MACF1: variants seen among roughly 807,000 people sequenced by gnomAD.
MACF1 encodes the protein microtubule-actin cross-linking factor 1.
MACF1 carries 193 observed loss-of-function variants against 854.8 expected under a neutral mutation model. The ratio of observed to expected loss-of-function variants is 0.23; its 90% CI spans 0.20 to 0.25. MACF1 has a LOEUF of 0.25. MACF1 is among the 10% of genes least tolerant of loss of function. The pLI is 1.00. For synonymous variants in MACF1, 3,185 were observed against 3,226.7 expected, an observed-to-expected ratio of 0.99 and a Z score of 0.44; for missense variants, 7,722 against 8,929.1, an observed-to-expected ratio of 0.86 and a Z score of 5.45.
chr1:39,364,618 G>A (rs1400954352), intron 49 of MACF1, among the ~76,000 whole-genome samples: 2 of 151,712 alleles, frequency 1.3e-5, no homozygotes, highest in Admixed American at 6.6e-5. Context: ...TCAGCCTCCT[G>A]AGCAGCTGGG....
intron 6 of MACF1, among the ~76,000 whole-genome samples, chr1:39,270,871 C>T (rs771753328): frequency 2.0e-5 from 3 of 152,162 alleles, no homozygotes; most frequent in Non-Finnish European, 2.9e-5. Context: ...GCAATCTGTG[C>T]CTAGAATTTC....
chr1:39,452,419 A>G, intron 86 of MACF1, 69 bp downstream of exon 86: 2 of 1,456,228 alleles, frequency 1.4e-6, no homozygotes, highest in Non-Finnish European at 1.9e-6. Flanking sequence ...TTCTTTTACT[A>G]GAATCTGTTC....
At chr1:39,467,548 C>G (rs1644696114) in intron 95 of MACF1, among the ~76,000 whole-genome samples, 1 of 152,004 alleles carries the variant, frequency 6.6e-6, no homozygotes, top group Non-Finnish European at 1.5e-5. Context: ...ATGAGAAACT[C>G]CAGATGTTTA....
rs1353242364 is a variant in MACF1, at chr1:39,084,857, T to C, written c.220+419T>C. Among the ~76,000 whole-genome samples the C allele has an allele frequency of 6.6e-6, 1 of 152,322 alleles. No individual in the cohort carries two copies. The highest frequency in any genetic ancestry group is 1.9e-4 in the East Asian group (1 of 5,188). ...TATTTCATGACTTTCTAAATCCTACTCTTTTTTCACTTTTTGGCTATATTA... is the reference window on the plus strand; with the variant it reads ...TATTTCATGACTTTCTAAATCCTACCCTTTTTTCACTTTTTGGCTATATTA... On this transcript the variant is annotated intron_variant, in intron 2 of 93. Coordinates refer to the MACF1 transcript ENST00000361689. This position sits in a 1 kb window ranked among gnomAD's most constrained non-coding sequence, Gnocchi z 5.2.
chr1:39,168,420 G>A (rs988729579), intron 2 of MACF1, among the ~76,000 whole-genome samples: 5 of 152,294 alleles, frequency 3.3e-5, no homozygotes, highest in Admixed American at 1.3e-4. Flanking sequence ...TTTCTAAGGG[G>A]TAAGGCAGTG....
At position 39,358,782 on chromosome 1, in the gene MACF1, T is replaced by C; in HGVS notation, c.12029T>C (p.Met4010Thr). The C allele has an allele frequency of 6.2e-7, 1 of 1,614,098 alleles. No individual in the cohort carries two copies. The highest frequency in any genetic ancestry group is 8.5e-7 in the Non-Finnish European group (1 of 1,180,014). Reference protein sequence around the residue: ...QNSADSLQAWMQACEANVEKL... With the variant: ...QNSADSLQAWTQACEANVEKL... ...AGTGCTGACAGCCTGCAGGCCTGGA[T>C]GCAGGCTTGTGAGGCCAACGTGGAG... is the stretch of plus-strand genomic sequence containing the variant. The change falls in exon 46 of 101, where the codon ATG (methionine) becomes ACG (threonine). Residue 4010 changes from methionine to threonine, a missense_variant. Transcript: ENST00000564288.
At chr1:39,306,610 CTT>C (rs35360749) in intron 23 of MACF1, among the ~76,000 whole-genome samples, 107 of 124,452 alleles carry the variant, frequency 8.6e-4, no homozygotes, top group East Asian at 1.8e-3. Flanking sequence ...ACCATTCTAT[CTT>C]TTTTTTTTTT....
chr1:39,337,878 T>C (rs1341957311), intron 38 of MACF1, among the ~76,000 whole-genome samples: 4 of 149,978 alleles, frequency 2.7e-5, no homozygotes, highest in Non-Finnish European at 5.9e-5. Context: ...TCCGCCATTC[T>C]CCTGCCTCAG....
In MACF1 at chr1:39,378,422, T is replaced by C. The variant is rs145491673; in HGVS notation, c.13214-39T>C. The C allele has an allele frequency of 5.0e-4, 758 of 1,512,150 alleles. 3 individuals are homozygous for C. The South Asian group carries it at 5.2e-3, about 10-fold the overall frequency. 93.7% of individuals were successfully genotyped at this position (1,512,150 alleles called of 1,614,324 possible). A position where few individuals can be genotyped will look rare whatever the true frequency, so the allele number is the denominator to read the frequency against. On this transcript the variant is annotated intron_variant, in intron 52 of 100. Transcript: ENST00000564288. ...AGTGCCTATATGTATTCCTAACACG[T>C]TGGTCTTGCCCTGTTTGTCTCCCTG...
chr1:39,135,262 A>C (rs1383024541), intron 2 of MACF1, among the ~76,000 whole-genome samples: 1 of 152,046 alleles, frequency 6.6e-6, no homozygotes, highest in Admixed American at 6.6e-5. Context: ...TAATTAATTT[A>C]TTTAGACAGC....
chr1:39,448,085 A>G lies in MACF1; in HGVS notation c.20021A>G (p.His6674Arg). The G allele has an allele frequency of 1.9e-6, 3 of 1,614,114 alleles. No individual in the cohort carries two copies. Among genetic ancestry groups the G allele is most frequent in the Non-Finnish European group, 1.7e-6 (2 of 1,179,938 alleles). The change falls in exon 83 of 101, where the codon CAC (histidine) becomes CGC (arginine). Residue 6674 changes from histidine (H) to arginine (R), a missense_variant. Physicochemically the swap from His to Arg is conservative, Grantham distance 29. Transcript: ENST00000564288. Reference protein sequence around the residue: ...LIDWLEDAESHLDSELEISND... With the variant: ...LIDWLEDAESRLDSELEISND... ...GACTGGCTAGAAGATGCAGAGAGTCACCTGGACTCAGAACTAGAGATATCC... is the reference window on the plus strand; with the variant it reads ...GACTGGCTAGAAGATGCAGAGAGTCGCCTGGACTCAGAACTAGAGATATCC...
In MACF1 at chr1:39,300,288, A is replaced by C; in HGVS notation, c.2560A>C (p.Lys854Gln). 1 of 1,614,072 alleles carries C rather than the reference A, an allele frequency of 6.2e-7. No individual in the cohort carries two copies. The highest frequency in any genetic ancestry group is 8.5e-7 in the Non-Finnish European group (1 of 1,180,010). The stretch of plus-strand genomic sequence containing the variant: ...GAGATCAAAAACCATCGTTCAGCTA[A>C]AACCACGCAGTCCAGACCATGTGTT... ...VGRSKTIVQLKPRSPDHVLKN... is the reference protein window; with the variant it reads ...VGRSKTIVQLQPRSPDHVLKN... Residue 854 changes from lysine (K) to glutamine (Q), a missense_variant, in exon 22 of 101, where the codon AAA becomes CAA. Around this residue, in one of 15 missense-constraint regions of MACF1, gnomAD observed 1,137 missense variants for 1,263.0 expected, o/e 0.90. Transcript: ENST00000564288.
At chr1:39,262,436 A>G (rs1645174867) in intron 6 of MACF1, among the ~76,000 whole-genome samples, 1 of 150,548 alleles carries the variant, frequency 6.6e-6, no homozygotes, top group South Asian at 2.1e-4. Flanking sequence ...ACTACAGAAG[A>G]TACAAAATTG....
At position 39,105,117 on chromosome 1, in the gene MACF1, C is replaced by T. The variant is rs2148135773; in HGVS notation, c.220+20679C>T. On this transcript the variant is annotated intron_variant, in intron 2 of 93. Coordinates refer to the MACF1 transcript ENST00000361689. The surrounding 1 kb of genome is among the most constrained non-coding windows in gnomAD (Gnocchi z 5.9). ...CTGACGCGCGGGGCCTCCCACCCAGCGGGACTCCCGCGTGGGCCGGCCTCT... is the reference window on the plus strand; with the variant it reads ...CTGACGCGCGGGGCCTCCCACCCAGTGGGACTCCCGCGTGGGCCGGCCTCT... Among the ~76,000 whole-genome samples the T allele has an allele frequency of 6.6e-6, 1 of 152,130 alleles. No individual in the cohort carries two copies. The highest frequency in any genetic ancestry group is 1.5e-5 in the Non-Finnish European group (1 of 67,950).
At chr1:39,246,906 G>GC (rs995342569) in intron 2 of MACF1, among the ~76,000 whole-genome samples, 1 of 144,492 alleles carries the variant, frequency 6.9e-6, no homozygotes, top group African/African-American at 2.5e-5. Flanking sequence ...GCTAAACATA[G>GC]CTTTTTTTTT....
intron 61 of MACF1, among the ~76,000 whole-genome samples, chr1:39,426,078 G>A (rs532571400): frequency 6.6e-6 from 1 of 151,998 alleles, no homozygotes; most frequent in Non-Finnish European, 1.5e-5. Flanking sequence ...AAAATCAAAT[G>A]AGTAAGAAAG....
intron 49 of MACF1, among the ~76,000 whole-genome samples, chr1:39,363,604 C>CTTTCT (rs771066867): frequency 0.11 from 14,294 of 135,960 alleles, 1,598 homozygotes; most frequent in African/African-American, 0.28. Flanking sequence ...TTCTTTCTTT[C>CTTTCT]TTTTTTTTTT....
At chr1:39,168,638 CTG>C (rs1280736328) in intron 2 of MACF1, among the ~76,000 whole-genome samples, 2 of 151,928 alleles carry the variant, frequency 1.3e-5, no homozygotes, top group African/African-American at 4.8e-5. Flanking sequence ...TGGCTCAAAT[CTG>C]TGTTTCTACA....
chr1:39,350,354 G>T (rs896053182), intron 42 of MACF1, among the ~76,000 whole-genome samples: 1 of 152,154 alleles, frequency 6.6e-6, no homozygotes, highest in Admixed American at 6.5e-5. Context: ...AAAACAAGAG[G>T]AAAATTAGGG....
Sources: allele counts gnomAD v4.1 joint callset (sites outside exome capture counted in the v4.1 genomes callset), GRCh38; gene constraint gnomAD v4.1.1; regional missense constraint gnomAD v4.1.1; non-coding constraint Gnocchi (gnomAD v3.1); transcripts MANE v1.5; gene names NCBI Gene and HGNC (gene_info 2026-07-23, HGNC 2026-07-21).